CHD9: variants seen among roughly 807,000 people sequenced by gnomAD.
CHD9 encodes the protein ATP-dependent chromatin remodeler CHD9.
Under a neutral mutation model 316.1 loss-of-function variants are expected in CHD9, and 77 were observed. The observed-to-expected ratio is 0.24, with a 90% CI of 0.20 to 0.29. The LOEUF is 0.29. CHD9 is among the 10% of genes least tolerant of loss of function. The pLI is 1.00. For missense variants in CHD9, 2,763 were observed against 3,438.1 expected, an observed-to-expected ratio of 0.80 and a Z score of 4.91; for synonymous variants, 1,129 against 1,158.3, an observed-to-expected ratio of 0.97 and a Z score of 0.51.
At chr16:53,323,229 T>G (rs992129224) in intron 38 of CHD9, among the ~76,000 whole-genome samples, 1 of 152,232 alleles carries the variant, frequency 6.6e-6, no homozygotes, top group African/African-American at 2.4e-5. Flanking sequence ...AGTGACAATA[T>G]TCAGATTATG....
At chr16:53,187,431 A>G (rs985181845) in intron 2 of CHD9, among the ~76,000 whole-genome samples, 1 of 152,162 alleles carries the variant, frequency 6.6e-6, no homozygotes, top group African/African-American at 2.4e-5. Context: ...TCTTGAACCC[A>G]GGAGTTCAAA....
chr16:53,219,940 G>T (rs747421444), intron 3 of CHD9, among the ~76,000 whole-genome samples: 1 of 152,206 alleles, frequency 6.6e-6, no homozygotes, highest in Non-Finnish European at 1.5e-5. Flanking sequence ...TTTGAGAGTT[G>T]AGATTATAGT....
At chr16:53,059,854 A>G (rs1167355872) in intron 1 of CHD9, among the ~76,000 whole-genome samples, 1 of 152,252 alleles carries the variant, frequency 6.6e-6, no homozygotes, top group East Asian at 1.9e-4. Flanking sequence ...ACGTACAGTA[A>G]GTCCAAGTAA....
At chr16:53,125,113 T>A (rs1370717327) in intron 1 of CHD9, among the ~76,000 whole-genome samples, 1 of 152,194 alleles carries the variant, frequency 6.6e-6, no homozygotes, top group East Asian at 1.9e-4. Flanking sequence ...TTTAATTGGA[T>A]TATTTATGTC....
rs1255455282 is a variant in CHD9 at position 53,255,224 on chromosome 16, G to A, written c.4030-376G>A. Reference sequence around the variant, plus strand: ...CTTGGGAAGTTGAGGCAGGAGACTCGCTTGAGTCCAGGAGGTCAAGGCTGC... The same window carrying A: ...CTTGGGAAGTTGAGGCAGGAGACTCACTTGAGTCCAGGAGGTCAAGGCTGC... On this transcript the variant is annotated intron_variant, in intron 18 of 38. Coordinates refer to ENST00000447540, the MANE Select transcript of CHD9 (RefSeq NM_001308319.2). Among the ~76,000 whole-genome samples, 4 of 152,068 alleles carry A rather than the reference G, an allele frequency of 2.6e-5. 1 individual carries two copies. The highest frequency in any genetic ancestry group is 1.9e-4 in the East Asian group (1 of 5,192).
chr16:53,314,005 C>A, intron 34 of CHD9, among the ~76,000 whole-genome samples: 1 of 150,940 alleles, frequency 6.6e-6, no homozygotes, highest in East Asian at 1.9e-4. Flanking sequence ...AGATATTTGG[C>A]ACAAAAAGCA....
At chr16:53,135,019 ATGT>A (rs1202182894) in intron 1 of CHD9, among the ~76,000 whole-genome samples, 9 of 152,330 alleles carry the variant, frequency 5.9e-5, no homozygotes, top group South Asian at 2.1e-4. Context: ...GGAGAAATTA[ATGT>A]TGTATTCTCA....
intron 1 of CHD9, among the ~76,000 whole-genome samples, chr16:53,154,194 AG>A (rs1203632728): frequency 1.1e-4 from 17 of 152,348 alleles, no homozygotes; most frequent in African/African-American, 4.1e-4. Flanking sequence ...TTTGATAAAA[AG>A]TAAGAATTCT....
intron 1 of CHD9, among the ~76,000 whole-genome samples, chr16:53,104,310 G>A (rs554443790): frequency 6.6e-6 from 1 of 152,252 alleles, no homozygotes; most frequent in South Asian, 2.1e-4. Flanking sequence ...GATGGCAGCA[G>A]AGCAGAGATT....
chr16:53,306,363 G>A lies in CHD9; in HGVS notation c.6746G>A (p.Gly2249Asp), dbSNP rs1436176476. 1 of 1,603,322 alleles carries A rather than the reference G, an allele frequency of 6.2e-7. No homozygotes were observed. Among genetic ancestry groups the A allele is most frequent in the East Asian group, 2.3e-5 (1 of 44,378 alleles). Residue 2249 changes from glycine to aspartate, a missense_variant, in exon 32 of 39, where the codon GGT becomes GAT. By Grantham distance (94) the Gly-to-Asp change is moderately conservative (BLOSUM62 -1). This residue lies in a region of CHD9 where 663 missense variants were observed against 751.2 expected (regional missense o/e 0.88). Coordinates refer to ENST00000447540, the MANE Select transcript of CHD9 (RefSeq NM_001308319.2). ...GTPESAYILQGGYMLAASYWP... is the reference protein window; with the variant it reads ...GTPESAYILQDGYMLAASYWP... ...CCAGAGTCTGCTTATATCTTACAAGGTGGATATATGCTGGCAGCCTCGTAT... is the reference window on the plus strand; with the variant it reads ...CCAGAGTCTGCTTATATCTTACAAGATGGATATATGCTGGCAGCCTCGTAT...
chr16:53,137,599 C>G (rs2152698216), intron 1 of CHD9, among the ~76,000 whole-genome samples: 1 of 152,250 alleles, frequency 6.6e-6, no homozygotes, highest in East Asian at 1.9e-4. Flanking sequence ...TAAAATGCTG[C>G]TATATTTGAA....
At chr16:53,223,193 A>T (rs1391588438) in intron 4 of CHD9, among the ~76,000 whole-genome samples, 1 of 151,976 alleles carries the variant, frequency 6.6e-6, no homozygotes, top group African/African-American at 2.4e-5. Context: ...TGAAGAAAAG[A>T]TAACTGACTA....
At chr16:53,184,350 T>A (rs925085751) in intron 2 of CHD9, among the ~76,000 whole-genome samples, 2 of 152,116 alleles carry the variant, frequency 1.3e-5, no homozygotes, top group Non-Finnish European at 1.5e-5. Flanking sequence ...GTTGTTACGG[T>A]TTTTGAAACA....
intron 33 of CHD9, among the ~76,000 whole-genome samples, chr16:53,308,196 AGT>A (rs1405615185): frequency 1.3e-5 from 2 of 152,318 alleles, no homozygotes; most frequent in East Asian, 3.9e-4. Context: ...TTTCTTAAAC[AGT>A]GTGGCAATTT....
At chr16:53,101,812 C>T (rs1018666686) in intron 1 of CHD9, among the ~76,000 whole-genome samples, 1 of 152,094 alleles carries the variant, frequency 6.6e-6, no homozygotes, top group African/African-American at 2.4e-5. Flanking sequence ...TGTGAGAGAC[C>T]CAACCCTTGT....
At chr16:53,301,977 A>G (rs2055483873) in intron 30 of CHD9, among the ~76,000 whole-genome samples, 1 of 151,478 alleles carries the variant, frequency 6.6e-6, no homozygotes, top group South Asian at 2.1e-4. Context: ...GTTAGCCAGG[A>G]TGGTCTCAAT....
intron 1 of CHD9, among the ~76,000 whole-genome samples, chr16:53,131,761 C>T (rs1171476165): frequency 6.6e-6 from 1 of 152,120 alleles, no homozygotes; most frequent in African/African-American, 2.4e-5. Flanking sequence ...CAGGGCGTCC[C>T]GCGCGGGCAC....
intron 12 of CHD9, among the ~76,000 whole-genome samples, chr16:53,242,479 C>T (rs969774973): frequency 6.6e-6 from 1 of 152,102 alleles, no homozygotes; most frequent in Non-Finnish European, 1.5e-5. Context: ...TTTGTGAACT[C>T]ATTGGTGTAA....
At chr16:53,168,186 C>T (rs563403937) in intron 2 of CHD9, among the ~76,000 whole-genome samples, 51 of 151,956 alleles carry the variant, frequency 3.4e-4, no homozygotes, top group Non-Finnish European at 6.3e-4. Flanking sequence ...CTCAGCCTCC[C>T]AAGTAGCTGG....
Sources: allele counts gnomAD v4.1 joint callset (sites outside exome capture counted in the v4.1 genomes callset), GRCh38; gene constraint gnomAD v4.1.1; regional missense constraint gnomAD v4.1.1; transcripts MANE v1.5; gene names NCBI Gene and HGNC (gene_info 2026-07-23, HGNC 2026-07-21).